The following SLC7A2 variants were observed in gnomAD, a reference collection of about 807,000 sequenced individuals.
SLC7A2 encodes solute carrier family 7 member 2.
SLC7A2 carries 48 observed loss-of-function variants against 58.9 expected under a neutral mutation model. The ratio of observed to expected loss-of-function variants is 0.82; its 90% CI spans 0.65 to 1.04. The LOEUF (loss-of-function observed/expected upper bound fraction) is 1.04. SLC7A2 is among the 50% of genes least tolerant of loss of function. The pLI is 0.00. For missense variants in SLC7A2, 1,029 were observed against 818.8 expected (o/e 1.26, Z -3.13); for synonymous variants, 363 against 314.5 (o/e 1.15, Z -1.63).
At chr8:17,506,712 T>C (rs1270534666) in intron 2 of SLC7A2, among the ~76,000 whole-genome samples, 1 of 152,134 alleles carries the variant, frequency 6.6e-6, no homozygotes, top group Non-Finnish European at 1.5e-5. Context: ...CCATTCTGTT[T>C]TTGTGAAAAC....
chr8:17,562,180 ATTTTTTTTTTTTTTTTTTTTTTTTT>A (rs200130071), intron 11 of SLC7A2, 70 bp downstream of exon 11: 113 of 588,788 alleles, frequency 1.9e-4, no homozygotes, highest in African/African-American at 1.9e-4. Flanking sequence ...TTTGGTAAGT[ATTTTTTTTTTTTTTTTTTTTTTTTT>A]TTTTTTTTTT....
rs769311240 is a variant in SLC7A2, at chr8:17,566,743, A to G, written c.*1597A>G. 2 of 148,300 alleles carry G rather than the reference A, an allele frequency of 1.3e-5. No homozygotes were observed. The highest frequency in any genetic ancestry group is 2.9e-5 in the Non-Finnish European group (2 of 67,908). 9.2% of individuals were successfully genotyped at this position (148,300 alleles called of 1,614,324 possible). A position where few individuals can be genotyped will look rare whatever the true frequency, so the allele number is the denominator to read the frequency against. On this transcript the variant is annotated 3_prime_UTR_variant, in exon 13 of 13. Coordinates refer to ENST00000494857, the MANE Select transcript of SLC7A2 (RefSeq NM_001370338.1). ...AGGATTCCCTAATAGTGGACTGTTT[A>G]TTTGCAGTGTATTTGCTTCTCATGA...
In SLC7A2 at chr8:17,539,366, T is replaced by C. The variant is rs140931178; in HGVS notation, c.-22-3952T>C. ...GCTAAGAAAGATCTCACATGTATCA[T>C]TAGGCTCATGAAAATCATTCAGAGA... On this transcript the variant is annotated intron_variant, in intron 2 of 12. Coordinates refer to ENST00000494857, the MANE Select transcript of SLC7A2 (RefSeq NM_001370338.1). 5.3e-5 allele frequency among the ~76,000 whole-genome samples: 8 copies of C among 152,304 alleles called. No individual in the cohort carries two copies. The East Asian group carries it at 1.5e-3, about 29-fold the overall frequency.
At chr8:17,494,187 G>A (rs1461082380), upstream of SLC7A2, among the ~76,000 whole-genome samples, 1 of 152,132 alleles carries the variant, frequency 6.6e-6, no homozygotes, top group African/African-American at 2.4e-5. Flanking sequence ...CATTCCTTCA[G>A]TCTTGCTAGT....
intron 2 of SLC7A2, among the ~76,000 whole-genome samples, chr8:17,502,730 A>T (rs1309617415): frequency 2.0e-5 from 3 of 152,140 alleles, no homozygotes; most frequent in African/African-American, 7.2e-5. Context: ...GGAATCCTGG[A>T]ATGAGTCCAT....
At position 17,565,451 on chromosome 8, in the gene SLC7A2, G is replaced by C; in HGVS notation, c.*305G>C. 4.0e-6 allele frequency: 1 copy of C among 250,626 alleles called. No homozygotes were observed. Among genetic ancestry groups the C allele is most frequent in the Non-Finnish European group, 7.7e-6 (1 of 130,140 alleles). 15.5% of individuals were successfully genotyped at this position (250,626 alleles called of 1,614,324 possible). On this transcript the variant is annotated 3_prime_UTR_variant, in exon 13 of 13. Coordinates refer to ENST00000494857, the MANE Select transcript of SLC7A2 (RefSeq NM_001370338.1). ...GAACATGAGTGTTACAAGTTAGCTG[G>C]TGTTTTACTATTATTGTGTTACATT...
At chr8:17,531,483 G>A (rs1013404408) in intron 2 of SLC7A2, among the ~76,000 whole-genome samples, 2 of 152,084 alleles carry the variant, frequency 1.3e-5, no homozygotes, top group African/African-American at 4.8e-5. Flanking sequence ...AGATTGCAGG[G>A]TGTCTAATGC....
At chr8:17,513,808 A>G (rs1800696916) in intron 2 of SLC7A2, among the ~76,000 whole-genome samples, 1 of 152,206 alleles carries the variant, frequency 6.6e-6, no homozygotes, top group South Asian at 2.1e-4. Context: ...CAACAGCGCT[A>G]AGAGGGAAAG....
chr8:17,547,781 A>G (rs1156607161), intron 4 of SLC7A2, among the ~76,000 whole-genome samples: 1 of 106,072 alleles, frequency 9.4e-6, no homozygotes, highest in Non-Finnish European at 2.0e-5. Flanking sequence ...TACTGGCACA[A>G]AAGAGTGTGT....
At chr8:17,532,261 C>CAAAAAAAAAAAAAAAAA (rs1563454562) in intron 2 of SLC7A2, among the ~76,000 whole-genome samples, 1 of 28,662 alleles carries the variant, frequency 3.5e-5, no homozygotes, top group African/African-American at 7.1e-5. Flanking sequence ...AAAAAAAAAC[C>CAAAAAAAAAAAAAAAAA]CCAGCAATTC....
At chr8:17,508,707 C>A (rs1324790936) in intron 2 of SLC7A2, among the ~76,000 whole-genome samples, 1 of 151,744 alleles carries the variant, frequency 6.6e-6, no homozygotes, top group Non-Finnish European at 1.5e-5. Context: ...GAGCAAGACT[C>A]TGTCTCAAAA....
In SLC7A2 at chr8:17,568,057, G is replaced by A. The variant is rs555388013; in HGVS notation, c.*2911G>A. ...TTTCTCAGAATTACCTAAATGTTTT[G>A]TAGAGTTTTGACTAGTAATCAATCA... On this transcript the variant is annotated 3_prime_UTR_variant, in exon 13 of 13. Transcript: ENST00000494857. 2 of 151,726 alleles carry A rather than the reference G, an allele frequency of 1.3e-5. No individual in the cohort carries two copies. The highest frequency in any genetic ancestry group is 4.2e-4 in the South Asian group (2 of 4,802). 9.4% of individuals were successfully genotyped at this position (151,726 alleles called of 1,614,324 possible). A position where few individuals can be genotyped will look rare whatever the true frequency, so the allele number is the denominator to read the frequency against.
At chr8:17,532,612 A>G (rs1412166378) in intron 2 of SLC7A2, among the ~76,000 whole-genome samples, 2 of 152,198 alleles carry the variant, frequency 1.3e-5, no homozygotes, top group Admixed American at 1.3e-4. Context: ...TGCAGTTAAT[A>G]TAAAAATTAA....
chr8:17,548,271 G>A (rs1802273068), intron 4 of SLC7A2, among the ~76,000 whole-genome samples: 1 of 151,976 alleles, frequency 6.6e-6, no homozygotes, highest in Non-Finnish European at 1.5e-5. Flanking sequence ...AGCACAGGTG[G>A]CAGAGGTTGC....
intron 2 of SLC7A2, among the ~76,000 whole-genome samples, chr8:17,517,312 G>T (rs1800841653): frequency 6.6e-6 from 1 of 152,208 alleles, no homozygotes; most frequent in South Asian, 2.1e-4. Flanking sequence ...GATGTGATTT[G>T]TAGGGCCAGA....
intron 2 of SLC7A2, among the ~76,000 whole-genome samples, chr8:17,516,312 G>A (rs1040798444): frequency 5.9e-5 from 9 of 151,750 alleles, no homozygotes; most frequent in Non-Finnish European, 1.0e-4. Flanking sequence ...TGCAACCTCC[G>A]CCTTCCAGTC....
At chr8:17,550,271 A>G in intron 5 of SLC7A2, 30 bp from the exon 6 acceptor site, 1 of 1,606,286 alleles carries the variant, frequency 6.2e-7, no homozygotes, top group South Asian at 1.1e-5. Flanking sequence ...TGTCAAAGTG[A>G]CTTTCCAATG....
At chr8:17,515,423 G>C (rs1458777065) in intron 2 of SLC7A2, among the ~76,000 whole-genome samples, 3 of 151,924 alleles carry the variant, frequency 2.0e-5, no homozygotes, top group Non-Finnish European at 4.4e-5. Flanking sequence ...AGCCTCCTGA[G>C]TAGCTGGGAT....
intron 2 of SLC7A2, among the ~76,000 whole-genome samples, chr8:17,508,359 T>G: frequency 6.6e-6 from 1 of 152,188 alleles, no homozygotes; most frequent in Non-Finnish European, 1.5e-5. Flanking sequence ...TTATAAATTA[T>G]GTAAAATATT....
Sources: gnomAD v4.1 joint callset for allele counts (sites outside exome capture counted in the v4.1 genomes callset) on GRCh38, gnomAD v4.1.1 for gene constraint, MANE v1.5 for transcripts, NCBI Gene and HGNC (gene_info 2026-07-23, HGNC 2026-07-21) for gene names.